The following PXDNL variants were observed in gnomAD, a reference collection of about 807,000 sequenced individuals.
PXDNL encodes the protein peroxidasin like.
In PXDNL, 145 loss-of-function variants were observed where a neutral mutation model predicts 150.8. That is an observed-to-expected ratio of 0.96 (90% confidence interval 0.84 to 1.10). The LOEUF is 1.10. Ranked by LOEUF, PXDNL falls within the 50% of genes least tolerant of loss-of-function variation. The pLI is 0.00. For synonymous variants in PXDNL, 757 were observed against 725.7 expected (o/e 1.04, Z -0.69); for missense variants, 2,087 against 1,873.9 (o/e 1.11, Z -2.10).
chr8:51,624,742 G>C (rs982931466), intron 2 of PXDNL, among the ~76,000 whole-genome samples: 2 of 149,822 alleles, frequency 1.3e-5, no homozygotes, highest in Admixed American at 6.7e-5. Context: ...ATCAAACCCT[G>C]CCCAGGGAAT....
rs531221516 is a variant in PXDNL at position 51,639,917 on chromosome 8, C to A, written c.236+14772G>T. 2.6e-5 allele frequency among the ~76,000 whole-genome samples: 4 copies of A among 152,190 alleles called. No homozygotes were observed. In the South Asian group the frequency reaches 8.3e-4, roughly 32 times the overall value. On this transcript the variant is annotated intron_variant, in intron 2 of 22. Transcript: ENST00000356297. ...CGCAACCAAAAAAGAGAATTTTAGA[C>A]CAATATACTTGATGAACATTGACGC...
Position 51,654,718 on chromosome 8 carries a change from G to A in PXDNL, c.207C>T (p.Ala69=). 1 of 1,613,378 alleles carries A rather than the reference G, an allele frequency of 6.2e-7. No homozygotes were observed. Among genetic ancestry groups the A allele is most frequent in the Non-Finnish European group, 8.5e-7 (1 of 1,179,646 alleles). ...FNRIREIPGS[A]FKKLKNLNTL... ...TGTTCAAATTCTTGAGTTTCTTGAA[G>A]GCGCTCCCTGGAATTTCTCTTATTC... Residue 69 remains alanine, a synonymous_variant, in exon 2 of 23, where the codon GCC becomes GCT. Coordinates refer to ENST00000356297, the MANE Select transcript of PXDNL (RefSeq NM_144651.5).
intron 1 of PXDNL, among the ~76,000 whole-genome samples, chr8:51,679,186 G>C (rs1815691535): frequency 6.6e-6 from 1 of 152,128 alleles, no homozygotes; most frequent in Admixed American, 6.6e-5. Context: ...TTTGTTTTAG[G>C]CTAGACAATG....
chr8:51,406,751 A>G (rs1478602639), intron 17 of PXDNL, among the ~76,000 whole-genome samples: 1 of 152,080 alleles, frequency 6.6e-6, no homozygotes, highest in Admixed American at 6.5e-5. Context: ...GACTTCTACC[A>G]AGCCCTTTCC....
intron 1 of PXDNL, among the ~76,000 whole-genome samples, chr8:51,707,761 G>T (rs1459164255): frequency 2.6e-5 from 4 of 152,042 alleles, no homozygotes; most frequent in Non-Finnish European, 4.4e-5. Flanking sequence ...CATATGAATG[G>T]AATCATGCAG....
In PXDNL at chr8:51,553,476, A is replaced by G. The variant is rs144031691; in HGVS notation, c.380+3364T>C. On this transcript the variant is annotated intron_variant, in intron 4 of 22. Transcript: ENST00000356297. ...TCTGTGCATCTGCAGAATTAATACCAAACTACGGACTCTGTAAGTAAGTGT... is the reference window on the plus strand; with the variant it reads ...TCTGTGCATCTGCAGAATTAATACCGAACTACGGACTCTGTAAGTAAGTGT... 2.7e-3 allele frequency among the ~76,000 whole-genome samples: 405 copies of G among 152,238 alleles called. 1 individual carries two copies. The highest frequency in any genetic ancestry group is 9.4e-3 in the African/African-American group (391 of 41,546).
intron 6 of PXDNL, 96 bp from the exon 7 acceptor site, chr8:51,475,237 C>T: frequency 8.1e-7 from 1 of 1,237,398 alleles, no homozygotes; most frequent in Non-Finnish European, 1.1e-6. Flanking sequence ...CCTGATTTAC[C>T]TTGTCTGTTA....
intron 15 of PXDNL, among the ~76,000 whole-genome samples, chr8:51,411,999 A>T (rs544962747): frequency 2.0e-5 from 3 of 152,328 alleles, no homozygotes; most frequent in East Asian, 3.9e-4. Flanking sequence ...CTAAAGAAAG[A>T]ACTAGGTTGC....
rs945984953 is a variant in PXDNL, at chr8:51,751,947, T to C, written c.164+57234A>G. Among the ~76,000 whole-genome samples the C allele has an allele frequency of 2.6e-5, 4 of 152,142 alleles. No homozygotes were observed. The East Asian group carries it at 5.8e-4, about 22-fold the overall frequency. ...TATTTCTTGTGGCCCAATAACAAGA[T>C]GCAGATGAACAGGGGAGGAAGAGAG... On this transcript the variant is annotated intron_variant, in intron 1 of 22. Coordinates refer to ENST00000356297, the MANE Select transcript of PXDNL (RefSeq NM_144651.5).
chr8:51,351,381 G>A (rs1022441878), intron 19 of PXDNL, among the ~76,000 whole-genome samples: 2 of 152,162 alleles, frequency 1.3e-5, no homozygotes, highest in African/African-American at 4.8e-5. Context: ...CATGAACACA[G>A]AATACTGTGT....
At chr8:51,511,168 T>G (rs115354626) in intron 4 of PXDNL, among the ~76,000 whole-genome samples, 1 of 152,278 alleles carries the variant, frequency 6.6e-6, no homozygotes, top group African/African-American at 2.4e-5. Flanking sequence ...ATCTTCTTAT[T>G]TGACCCCTCA....
chr8:51,334,739 G>A (rs1314168179), intron 21 of PXDNL, among the ~76,000 whole-genome samples: 2 of 152,090 alleles, frequency 1.3e-5, no homozygotes, highest in African/African-American at 4.8e-5. Flanking sequence ...TAAATTCCTG[G>A]AATTCCTATC....
chr8:51,644,355 C>G (rs1444131465), intron 2 of PXDNL, among the ~76,000 whole-genome samples: 1 of 50,556 alleles, frequency 2.0e-5, no homozygotes, highest in Non-Finnish European at 6.1e-5. Flanking sequence ...CACACACACA[C>G]ACACACACAT....
At chr8:51,783,907 T>C (rs1263217096) in intron 1 of PXDNL, among the ~76,000 whole-genome samples, 1 of 152,194 alleles carries the variant, frequency 6.6e-6, no homozygotes, top group African/African-American at 2.4e-5. Flanking sequence ...AATTATGTTT[T>C]TAGATAGATT....
intron 19 of PXDNL, among the ~76,000 whole-genome samples, chr8:51,346,375 G>A (rs78109979): frequency 0.018 from 2,719 of 152,252 alleles, 85 homozygotes; most frequent in African/African-American, 0.06. Context: ...ACCCACTAGG[G>A]ATTTGTTTTT....
chr8:51,483,107 C>T (rs12544226), intron 6 of PXDNL, among the ~76,000 whole-genome samples: 2 of 152,068 alleles, frequency 1.3e-5, no homozygotes, highest in South Asian at 4.1e-4. Context: ...AGCTGGAATG[C>T]AGGAGGGTGG....
chr8:51,703,895 G>T (rs933339026), intron 1 of PXDNL, among the ~76,000 whole-genome samples: 2 of 152,116 alleles, frequency 1.3e-5, no homozygotes, highest in Non-Finnish European at 2.9e-5. Flanking sequence ...ATGTTTTCCA[G>T]AGCAAAGCAG....
chr8:51,691,111 T>C (rs113386953), intron 1 of PXDNL, among the ~76,000 whole-genome samples: 4,014 of 152,252 alleles, frequency 0.026, 196 homozygotes, highest in African/African-American at 0.091. Context: ...TTCTCCCATT[T>C]TTTAGGTTGC....
intron 1 of PXDNL, among the ~76,000 whole-genome samples, chr8:51,668,536 T>A (rs1484099028): frequency 6.6e-6 from 1 of 152,084 alleles, no homozygotes; most frequent in Non-Finnish European, 1.5e-5. Flanking sequence ...AGAAAAGCAC[T>A]CTTACGAGAA....
Sources: gnomAD v4.1 joint callset for allele counts (sites outside exome capture counted in the v4.1 genomes callset) on GRCh38, gnomAD v4.1.1 for gene constraint, MANE v1.5 for transcripts, NCBI Gene and HGNC (gene_info 2026-07-23, HGNC 2026-07-21) for gene names.